ST8SIA5: variants seen among roughly 807,000 people sequenced by gnomAD.
The protein encoded by ST8SIA5 is ST8 alpha-N-acetyl-neuraminide alpha-2,8-sialyltransferase 5.
ST8SIA5 carries 24 observed loss-of-function variants against 40.2 expected under a neutral mutation model. The observed-to-expected ratio is 0.60, with a 90% CI of 0.43 to 0.84. ST8SIA5 has a LOEUF of 0.84. ST8SIA5 is among the 40% of genes least tolerant of loss of function. ST8SIA5 has a pLI of 0.00. For missense variants in ST8SIA5, 465 were observed against 498.5 expected (o/e 0.93, Z 0.64); for synonymous variants, 198 against 201.8 (o/e 0.98, Z 0.16).
chr18:46,742,869 A>G (rs777204760), intron 1 of ST8SIA5, among the ~76,000 whole-genome samples: 2 of 152,220 alleles, frequency 1.3e-5, no homozygotes, highest in African/African-American at 2.4e-5. Flanking sequence ...TTTCAAAGAA[A>G]GGATCAGGCA....
intron 1 of ST8SIA5, among the ~76,000 whole-genome samples, chr18:46,749,343 A>C (rs1432700283): frequency 6.6e-6 from 1 of 152,210 alleles, no homozygotes; most frequent in Non-Finnish European, 1.5e-5. Flanking sequence ...TTAACTCTAC[A>C]CTTTAAGTGG....
chr18:46,745,586 AC>A (rs540965064), intron 1 of ST8SIA5, among the ~76,000 whole-genome samples: 48 of 152,318 alleles, frequency 3.2e-4, no homozygotes, highest in African/African-American at 1.2e-3. Context: ...TAGCCTACCA[AC>A]CAAAAAAAGT....
At chr18:46,748,475 A>G (rs1409598328) in intron 1 of ST8SIA5, among the ~76,000 whole-genome samples, 1 of 150,176 alleles carries the variant, frequency 6.7e-6, no homozygotes, top group South Asian at 2.1e-4. Context: ...GAGGTGGGAG[A>G]ATCACTTGAA....
chr18:46,680,182 G>A lies in ST8SIA5; in HGVS notation c.991C>T (p.Leu331Phe). ...FWAFPMNPSG[L>F]YITHHYYDNV... ...TCATAGTAGTGGTGAGTGATGTAGA[G>A]GCCCGAGGGGTTCATGGGGAAGGCC... The change falls in exon 7 of 7, where the codon CTC (leucine) becomes TTC (phenylalanine). Residue 331 changes from leucine (L) to phenylalanine (F), a missense_variant. Physicochemically the swap from Leu to Phe is conservative, Grantham distance 22. Transcript: ENST00000315087. 1 of 1,614,236 alleles carries A rather than the reference G, an allele frequency of 6.2e-7. No individual in the cohort carries two copies. Among genetic ancestry groups the A allele is most frequent in the Admixed American group, 1.7e-5 (1 of 60,036 alleles).
chr18:46,716,700 T>G (rs1045330417), intron 1 of ST8SIA5, among the ~76,000 whole-genome samples: 10 of 152,138 alleles, frequency 6.6e-5, no homozygotes, highest in Non-Finnish European at 1.3e-4. Flanking sequence ...AGCCCAGTCC[T>G]CCAAAGCCAG....
At chr18:46,746,342 T>G (rs148661096) in intron 1 of ST8SIA5, among the ~76,000 whole-genome samples, 109,186 of 151,530 alleles carry the variant, frequency 0.72, 39,829 homozygotes, top group Middle Eastern at 0.8. Flanking sequence ...CAAAATCTCC[T>G]TAAGCTGATA....
Position 46,756,712 on chromosome 18 carries a change from G to A in ST8SIA5, c.-204C>T, listed in dbSNP as rs777885923. 7.1e-6 allele frequency: 4 copies of A among 565,936 alleles called. No homozygotes were observed. In the African/African-American group the frequency reaches 8.1e-5, roughly 11 times the overall value. 35.1% of individuals were successfully genotyped at this position (565,936 alleles called of 1,614,324 possible). A position where few individuals can be genotyped will look rare whatever the true frequency, so the allele number is the denominator to read the frequency against. On this transcript the variant is annotated 5_prime_UTR_variant, in exon 1 of 7. Transcript: ENST00000315087. ...TCGCAGGCGCTGGGGCGGCAAGCAGGACAGGGCCGGTGGCAGGGAGCTCTG... is the reference window on the plus strand; with the variant it reads ...TCGCAGGCGCTGGGGCGGCAAGCAGAACAGGGCCGGTGGCAGGGAGCTCTG...
intron 3 of ST8SIA5, chr18:46,691,572 AAAAAG>A: frequency 6.5e-6 from 1 of 153,126 alleles, no homozygotes; most frequent in South Asian, 2.1e-4. Flanking sequence ...ACCATCCATC[AAAAAG>A]AATTTTTGGA....
chr18:46,683,575 A>T (rs1370840444), intron 5 of ST8SIA5, among the ~76,000 whole-genome samples: 2 of 151,990 alleles, frequency 1.3e-5, no homozygotes, highest in African/African-American at 4.8e-5. Context: ...CCATGTGAAG[A>T]ATGCGGTCTT....
In ST8SIA5 at chr18:46,675,104, T is replaced by A. The variant is rs2039331911; in HGVS notation, c.*4938A>T. On this transcript the variant is annotated 3_prime_UTR_variant, in exon 7 of 7. Transcript: ENST00000315087. ...CTGGGTTAGGGCAGTAGCAGAGGGG[T>A]TGCAGGGAGGGAATGACTTAAAGGG... 1.3e-5 allele frequency: 2 copies of A among 151,926 alleles called. No individual in the cohort carries two copies. Among genetic ancestry groups the A allele is most frequent in the Admixed American group, 6.6e-5 (1 of 15,230 alleles). The allele number at this position is 151,926 out of a possible 1,614,324, so 9.4% of individuals were successfully genotyped here. A position where few individuals can be genotyped will look rare whatever the true frequency, so the allele number is the denominator to read the frequency against.
chr18:46,717,195 G>A (rs1781289439), intron 1 of ST8SIA5, among the ~76,000 whole-genome samples: 1 of 152,242 alleles, frequency 6.6e-6, no homozygotes, highest in South Asian at 2.1e-4. Flanking sequence ...AGTCCAGAGG[G>A]AACAGGGTTG....
At chr18:46,736,954 A>C (rs2040040585) in intron 1 of ST8SIA5, among the ~76,000 whole-genome samples, 1 of 152,090 alleles carries the variant, frequency 6.6e-6, no homozygotes, top group Non-Finnish European at 1.5e-5. Context: ...GGAAGGAGCC[A>C]GCAAAGCCCA....
intron 1 of ST8SIA5, among the ~76,000 whole-genome samples, chr18:46,728,211 T>C (rs2039950648): frequency 6.7e-6 from 1 of 149,770 alleles, no homozygotes; most frequent in Non-Finnish European, 1.5e-5. Flanking sequence ...AAAAAAAAAC[T>C]ATAGAGTATT....
Position 46,672,374 on chromosome 18 carries a change from G to A in ST8SIA5, c.*7668C>T, listed in dbSNP as rs568633521. ...CTCCGGGAAGTAAAGGACCTGGCTT[G>A]GGGATTATTTTATAAAGACTTCCAG... On this transcript the variant is annotated 3_prime_UTR_variant, in exon 7 of 7. Coordinates refer to ENST00000315087, the MANE Select transcript of ST8SIA5 (RefSeq NM_013305.6). 3.9e-4 allele frequency: 59 copies of A among 152,230 alleles called. No individual in the cohort carries two copies. Among genetic ancestry groups the A allele is most frequent in the African/African-American group, 1.3e-3 (56 of 41,532 alleles). 9.4% of individuals were successfully genotyped at this position (152,230 alleles called of 1,614,324 possible).
chr18:46,748,327 G>T (rs1235768520), intron 1 of ST8SIA5, among the ~76,000 whole-genome samples: 1 of 152,068 alleles, frequency 6.6e-6, no homozygotes, highest in African/African-American at 2.4e-5. Context: ...ACTTTGGGAG[G>T]CTGGGAAGGG....
chr18:46,683,753 T>G (rs12457282), intron 5 of ST8SIA5, among the ~76,000 whole-genome samples: 2 of 149,484 alleles, frequency 1.3e-5, no homozygotes, highest in African/African-American at 2.5e-5. Context: ...CGGGAGGGGG[T>G]GGGGTGTGTG....
intron 1 of ST8SIA5, among the ~76,000 whole-genome samples, chr18:46,725,181 C>G (rs1290771623): frequency 6.6e-6 from 1 of 152,102 alleles, no homozygotes; most frequent in African/African-American, 2.4e-5. Context: ...AAACCGAGGG[C>G]TAACTCTAAA....
At chr18:46,708,053 C>G (rs2039686797) in intron 1 of ST8SIA5, among the ~76,000 whole-genome samples, 1 of 152,190 alleles carries the variant, frequency 6.6e-6, no homozygotes, top group African/African-American at 2.4e-5. Flanking sequence ...GCATGTGCGA[C>G]AGGGTTGAGA....
rs948105715 is a variant in ST8SIA5 at position 46,670,595 on chromosome 18, G to C, written c.*9447C>G. 2 of 152,028 alleles carry C rather than the reference G, an allele frequency of 1.3e-5. No homozygotes were observed. Among genetic ancestry groups the C allele is most frequent in the African/African-American group, 4.8e-5 (2 of 41,394 alleles). 9.4% of individuals were successfully genotyped at this position (152,028 alleles called of 1,614,324 possible). A position where few individuals can be genotyped will look rare whatever the true frequency, so the allele number is the denominator to read the frequency against. On this transcript the variant is annotated 3_prime_UTR_variant, in exon 7 of 7. Transcript: ENST00000315087. The stretch of plus-strand genomic sequence containing the variant: ...CTTGAGTAGCTGGGACTGACTACAG[G>C]TGTGCTTTTGTATTCTTTATTGAGA...
Sources: gnomAD v4.1 joint callset for allele counts (sites outside exome capture counted in the v4.1 genomes callset) on GRCh38, gnomAD v4.1.1 for gene constraint, MANE v1.5 for transcripts, NCBI Gene and HGNC (gene_info 2026-07-23, HGNC 2026-07-21) for gene names.